IPCEF1: variants seen among roughly 807,000 people sequenced by gnomAD.
The protein encoded by IPCEF1 is interactor protein for cytohesin exchange factors 1.
A neutral mutation model predicts 50.9 loss-of-function variants in IPCEF1; 31 were observed. The observed-to-expected ratio is 0.61, with a 90% CI of 0.46 to 0.82. The LOEUF is 0.82. Among genes scored for constraint, IPCEF1 ranks in the 40% least tolerant of loss-of-function variants. The probability of loss-of-function intolerance (pLI) is 0.00; values close to 1 mark genes in which losing one functional copy is unlikely to be tolerated. For missense variants in IPCEF1, 458 were observed against 514.0 expected, an observed-to-expected ratio of 0.89 and a Z score of 1.05; for synonymous variants, 181 against 192.0, an observed-to-expected ratio of 0.94 and a Z score of 0.47.
intron 5 of IPCEF1, among the ~76,000 whole-genome samples, chr6:154,240,161 A>T (rs895427675): frequency 3.9e-5 from 6 of 152,252 alleles, no homozygotes; most frequent in Non-Finnish European, 7.3e-5. Context: ...ATAATGCTCA[A>T]TTTAATTAGT....
intron 3 of IPCEF1, among the ~76,000 whole-genome samples, chr6:154,264,279 T>C (rs1342878380): frequency 6.6e-6 from 1 of 151,338 alleles, no homozygotes; most frequent in Non-Finnish European, 1.5e-5. Context: ...TCACTCTCCA[T>C]TCATGATTCA....
chr6:154,264,664 G>A (rs944567756), intron 3 of IPCEF1, among the ~76,000 whole-genome samples: 3 of 149,338 alleles, frequency 2.0e-5, no homozygotes, highest in Non-Finnish European at 3.0e-5. Context: ...GTGAACTACC[G>A]TACCCAGCCA....
intron 10 of IPCEF1, 95 bp downstream of exon 10, chr6:154,199,573 T>G: frequency 7.4e-7 from 1 of 1,344,310 alleles, no homozygotes; most frequent in Non-Finnish European, 1.0e-6. Context: ...TCATCATTCA[T>G]GAGTTTAACC....
intron 5 of IPCEF1, among the ~76,000 whole-genome samples, chr6:154,246,098 T>C (rs1781017892): frequency 6.6e-6 from 1 of 152,030 alleles, no homozygotes; most frequent in African/African-American, 2.4e-5. Flanking sequence ...ACCAACCCAT[T>C]TGATAAAGAA....
chr6:154,355,144 C>A (rs1484996333), intron 1 of IPCEF1, among the ~76,000 whole-genome samples: 1 of 152,158 alleles, frequency 6.6e-6, no homozygotes, highest in Non-Finnish European at 1.5e-5. Context: ...CAGAAGTGAG[C>A]TGTTCAAAAG....
intron 3 of IPCEF1, among the ~76,000 whole-genome samples, chr6:154,260,474 A>G (rs1458912006): frequency 1.2e-5 from 1 of 85,174 alleles, no homozygotes; most frequent in East Asian, 5.3e-4. Flanking sequence ...AAGACCAGAG[A>G]ACTTTTTTTT....
At chr6:154,331,419 GAA>G (rs1321416555) in intron 1 of IPCEF1, among the ~76,000 whole-genome samples, 1 of 144,442 alleles carries the variant, frequency 6.9e-6, no homozygotes, top group Non-Finnish European at 1.5e-5. Flanking sequence ...GAGAGAAAAA[GAA>G]AGAGAGAGAG....
chr6:154,324,735 G>A (rs1049315042), intron 1 of IPCEF1, among the ~76,000 whole-genome samples: 4 of 152,162 alleles, frequency 2.6e-5, no homozygotes, highest in African/African-American at 9.7e-5. Flanking sequence ...TTGAACCCAG[G>A]AAGCGGAAGT....
In IPCEF1 at chr6:154,212,758, G is replaced by A. The variant is rs1483815447; in HGVS notation, c.537+12C>T. On this transcript the variant is annotated intron_variant, in intron 9 of 11. Transcript: ENST00000367220. ...GATCGATGACCAACAGACTACTTATGTCGGTACATACCAAAGACTGAGTCT... is the reference window on the plus strand; with the variant it reads ...GATCGATGACCAACAGACTACTTATATCGGTACATACCAAAGACTGAGTCT... 1.5e-5 allele frequency: 23 copies of A among 1,576,340 alleles called. No homozygotes were observed. Among genetic ancestry groups the A allele is most frequent in the East Asian group, 1.3e-4 (6 of 44,716 alleles).
intron 1 of IPCEF1, among the ~76,000 whole-genome samples, chr6:154,348,111 G>A (rs1784065911): frequency 6.6e-6 from 1 of 152,032 alleles, no homozygotes; most frequent in Non-Finnish European, 1.5e-5. Context: ...AGAATATCTG[G>A]GACTCCAGCG....
chr6:154,187,575 T>C (rs970653029), intron 10 of IPCEF1, among the ~76,000 whole-genome samples: 1 of 152,238 alleles, frequency 6.6e-6, no homozygotes, highest in South Asian at 2.1e-4. Context: ...CCAGTAGTTA[T>C]TGAAAAACAT....
intron 10 of IPCEF1, among the ~76,000 whole-genome samples, chr6:154,174,779 C>T (rs1800177544): frequency 6.6e-6 from 1 of 152,170 alleles, no homozygotes; most frequent in Admixed American, 6.5e-5. Context: ...AGAAAATTAA[C>T]AAGGATATCC....
intron 11 of IPCEF1, among the ~76,000 whole-genome samples, chr6:154,161,367 TGCCTG>T (rs1799005939): frequency 6.6e-6 from 1 of 151,930 alleles, no homozygotes. Flanking sequence ...TGCACCACCA[TGCCTG>T]GCTAATTTTT....
chr6:154,206,069 C>A (rs1177986229), intron 9 of IPCEF1, among the ~76,000 whole-genome samples: 1 of 152,022 alleles, frequency 6.6e-6, no homozygotes, highest in East Asian at 1.9e-4. Flanking sequence ...TTCATGGCAC[C>A]CCCATATTGG....
At chr6:154,171,838 T>A (rs569918480) in intron 10 of IPCEF1, among the ~76,000 whole-genome samples, 2 of 152,288 alleles carry the variant, frequency 1.3e-5, no homozygotes, top group African/African-American at 4.8e-5. Context: ...GACACAGTAA[T>A]TTTACATGTC....
At chr6:154,333,839 T>G (rs1783731610) in intron 1 of IPCEF1, among the ~76,000 whole-genome samples, 2 of 152,012 alleles carry the variant, frequency 1.3e-5, no homozygotes, top group African/African-American at 2.4e-5. Context: ...ATATTTACCA[T>G]GACTCACACA....
rs200041340 is a variant in IPCEF1, at chr6:154,246,891, C to T, written c.77-131G>A. 19 of 872,734 alleles carry T rather than the reference C, an allele frequency of 2.2e-5. No homozygotes were observed. In the South Asian group the frequency reaches 6.8e-4, roughly 31 times the overall value. The allele number at this position is 872,734 out of a possible 1,614,324, so 54.1% of individuals were successfully genotyped here. A position where few individuals can be genotyped will look rare whatever the true frequency, so the allele number is the denominator to read the frequency against. ...CCCCCCGGGGAGCTGGATTTTTCACCAAGATTTATGCAAAGCCTATGCAAA... is the reference window on the plus strand; with the variant it reads ...CCCCCCGGGGAGCTGGATTTTTCACTAAGATTTATGCAAAGCCTATGCAAA... On this transcript the variant is annotated intron_variant, in intron 4 of 11. Coordinates refer to ENST00000367220, the MANE Select transcript of IPCEF1 (RefSeq NM_001130700.2).
At chr6:154,214,321 C>G (rs1438529523) in intron 7 of IPCEF1, 45 bp from the exon 8 acceptor site, 1 of 1,315,080 alleles carries the variant, frequency 7.6e-7, no homozygotes, top group Admixed American at 1.7e-5. Flanking sequence ...GAGATTAGCC[C>G]CCCACCCATT....
chr6:154,236,535 C>T (rs1239793791), intron 5 of IPCEF1, among the ~76,000 whole-genome samples: 1 of 152,148 alleles, frequency 6.6e-6, no homozygotes, highest in Non-Finnish European at 1.5e-5. Context: ...TTAAAAATGG[C>T]TAAGATGGTA....
Sources: gnomAD v4.1 joint callset for allele counts (sites outside exome capture counted in the v4.1 genomes callset) on GRCh38, gnomAD v4.1.1 for gene constraint, MANE v1.5 for transcripts, NCBI Gene and HGNC (gene_info 2026-07-23, HGNC 2026-07-21) for gene names.